The following ERC2 variants were observed in gnomAD, a reference collection of about 807,000 sequenced individuals.
ERC2 encodes ELKS/RAB6-interacting/CAST family member 2.
ERC2 carries 42 observed loss-of-function variants against 114.8 expected under a neutral mutation model. The observed-to-expected ratio is 0.37, with a 90% CI of 0.29 to 0.47. The LOEUF is 0.47. Among genes scored for constraint, ERC2 ranks in the 20% least tolerant of loss-of-function variants. The pLI, the probability that ERC2 is intolerant of heterozygous loss-of-function variation, is 0.99. For synonymous variants in ERC2, 454 were observed against 425.5 expected (o/e 1.07, Z -0.82); for missense variants, 939 against 1,150.7 (o/e 0.82, Z 2.66).
intron 2 of ERC2, among the ~76,000 whole-genome samples, chr3:56,328,488 A>G (rs1017710403): frequency 6.6e-6 from 1 of 152,234 alleles, no homozygotes; most frequent in Non-Finnish European, 1.5e-5. Context: ...TGCATGTGAT[A>G]TCTTACACCC....
In ERC2 at chr3:56,173,500, T is replaced by C; in HGVS notation, c.1095A>G (p.Gln365=). 1.2e-6 allele frequency: 2 copies of C among 1,613,952 alleles called. No homozygotes were observed. Among genetic ancestry groups the C allele is most frequent in the Non-Finnish European group, 1.7e-6 (2 of 1,179,852 alleles). ...TCGTCTTGGCTGGCTCCGGCTGAAG[T>C]TGGCTTCTTCGGTGCAATTCCTGGG... ...HLREELHRRS[Q]LQPEPAKTKA... Residue 365 remains glutamine, a synonymous_variant, in exon 4 of 18, where the codon CAA becomes CAG. Transcript: ENST00000288221.
intron 6 of ERC2, among the ~76,000 whole-genome samples, chr3:56,099,105 C>T (rs970723288): frequency 6.6e-6 from 1 of 152,148 alleles, no homozygotes; most frequent in Admixed American, 6.5e-5. Context: ...AAGACACACA[C>T]AGCAGAGAAG....
At chr3:55,804,113 T>C (rs2059404074) in intron 14 of ERC2, among the ~76,000 whole-genome samples, 1 of 152,232 alleles carries the variant, frequency 6.6e-6, no homozygotes, top group South Asian at 2.1e-4. Flanking sequence ...TATTAGAAAG[T>C]CTGTAGCATT....
intron 2 of ERC2, among the ~76,000 whole-genome samples, chr3:56,389,099 C>G (rs528388536): frequency 2.0e-5 from 3 of 152,216 alleles, no homozygotes; most frequent in South Asian, 2.1e-4. Context: ...AGCTCACTTT[C>G]CCATCTAAAT....
intron 12 of ERC2, among the ~76,000 whole-genome samples, chr3:55,982,813 T>C (rs1239261069): frequency 1.3e-5 from 2 of 152,190 alleles, no homozygotes; most frequent in Admixed American, 1.3e-4. Context: ...TCATTATTTA[T>C]TTGGGCAACA....
chr3:55,981,724 C>G (rs914327397), intron 12 of ERC2, among the ~76,000 whole-genome samples: 1 of 152,192 alleles, frequency 6.6e-6, no homozygotes, highest in East Asian at 1.9e-4. Flanking sequence ...CTTGAACTTA[C>G]AAGCATTCGA....
intron 2 of ERC2, among the ~76,000 whole-genome samples, chr3:56,353,556 C>CA (rs1250761808): frequency 1.4e-5 from 2 of 146,822 alleles, no homozygotes; most frequent in South Asian, 2.1e-4. Context: ...ATCGCAAGGA[C>CA]AAAAAACCAA....
chr3:56,349,625 G>A (rs1210176888), intron 2 of ERC2, among the ~76,000 whole-genome samples: 1 of 152,160 alleles, frequency 6.6e-6, no homozygotes, highest in Non-Finnish European at 1.5e-5. Flanking sequence ...TACCTATCAG[G>A]GGCCAGGCGC....
chr3:55,960,836 A>G (rs2068306505), intron 12 of ERC2, among the ~76,000 whole-genome samples: 1 of 151,742 alleles, frequency 6.6e-6, no homozygotes, highest in Non-Finnish European at 1.5e-5. Flanking sequence ...CACTGCCTGT[A>G]AAACCACCCA....
intron 3 of ERC2, among the ~76,000 whole-genome samples, chr3:56,232,361 C>T (rs900166455): frequency 6.6e-6 from 1 of 152,166 alleles, no homozygotes; most frequent in Non-Finnish European, 1.5e-5. Context: ...ATAATCCTCT[C>T]TTACCTAGAT....
chr3:56,111,422 C>A (rs1006630958), intron 6 of ERC2, among the ~76,000 whole-genome samples: 1 of 151,770 alleles, frequency 6.6e-6, no homozygotes, highest in Non-Finnish European at 1.5e-5. Context: ...CTATCCCCCC[C>A]TCTCTCTCAC....
At chr3:55,768,783 G>T (rs1302845194) in intron 14 of ERC2, among the ~76,000 whole-genome samples, 5 of 152,174 alleles carry the variant, frequency 3.3e-5, no homozygotes, top group Non-Finnish European at 5.9e-5. Context: ...GGTTTGGGGA[G>T]TAGGCAGCGG....
chr3:55,512,133 C>G (rs1054840511), intron 17 of ERC2, among the ~76,000 whole-genome samples: 1 of 152,190 alleles, frequency 6.6e-6, no homozygotes, highest in Non-Finnish European at 1.5e-5. Flanking sequence ...TGAGCTGTCT[C>G]ATTTGGTGGT....
At chr3:56,086,414 A>G (rs2077505487) in intron 6 of ERC2, among the ~76,000 whole-genome samples, 1 of 151,824 alleles carries the variant, frequency 6.6e-6, no homozygotes, top group Non-Finnish European at 1.5e-5. Flanking sequence ...CTTAACTTCA[A>G]AGGAATTTGG....
chr3:55,829,724 T>C (rs183975698), intron 14 of ERC2, among the ~76,000 whole-genome samples: 1,597 of 152,240 alleles, frequency 0.01, 12 homozygotes, highest in Middle Eastern at 0.031. Context: ...CTCACTATAT[T>C]GCCCAGGCTG....
At chr3:55,610,534 C>CACAT (rs2058864664) in intron 17 of ERC2, 8 of 153,310 alleles carry the variant, frequency 5.2e-5, no homozygotes, top group Admixed American at 4.6e-4. Flanking sequence ...CACACACACA[C>CACAT]ACACACACAC....
intron 17 of ERC2, among the ~76,000 whole-genome samples, chr3:55,559,274 T>A (rs1460479058): frequency 6.6e-6 from 1 of 152,232 alleles, no homozygotes; most frequent in Non-Finnish European, 1.5e-5. Context: ...ACTCAGAGGT[T>A]CTGATTTCAG....
intron 17 of ERC2, among the ~76,000 whole-genome samples, chr3:55,617,486 T>C (rs1000796009): frequency 1.2e-4 from 19 of 152,188 alleles, no homozygotes; most frequent in Non-Finnish European, 2.6e-4. Context: ...TGAGGTCTCA[T>C]TCCCCTCCGG....
intron 15 of ERC2, among the ~76,000 whole-genome samples, chr3:55,699,837 C>G (rs1312560128): frequency 6.6e-6 from 1 of 152,124 alleles, no homozygotes; most frequent in Admixed American, 6.5e-5. Flanking sequence ...GGTGAGCTTG[C>G]AATTGCAACA....
Sources: gnomAD v4.1 joint callset for allele counts (sites outside exome capture counted in the v4.1 genomes callset) on GRCh38, gnomAD v4.1.1 for gene constraint, MANE v1.5 for transcripts, NCBI Gene and HGNC (gene_info 2026-07-23, HGNC 2026-07-21) for gene names.